ZDHHC15: variants seen among roughly 807,000 people sequenced by gnomAD.
ZDHHC15 encodes zDHHC palmitoyltransferase 15, also known as palmitoyltransferase ZDHHC15.
In ZDHHC15, 19 loss-of-function variants were observed where a neutral mutation model predicts 31.7. The ratio of observed to expected loss-of-function variants is 0.60; its 90% CI spans 0.42 to 0.88. The LOEUF (loss-of-function observed/expected upper bound fraction) is 0.88, where lower values mean the gene tolerates loss of function less well. Ranked by LOEUF, ZDHHC15 falls within the 40% of genes least tolerant of loss-of-function variation. ZDHHC15 has a pLI of 0.00. For synonymous variants in ZDHHC15, 103 were observed against 90.0 expected, an observed-to-expected ratio of 1.14 and a Z score of -0.82; for missense variants, 209 against 251.2, an observed-to-expected ratio of 0.83 and a Z score of 1.14.
intron 2 of ZDHHC15, among the ~76,000 whole-genome samples, chrX:75,501,178 G>A (rs147719944): frequency 0.012 from 1,381 of 110,699 alleles, 20 homozygotes; most frequent in African/African-American, 0.043. Flanking sequence ...TGGTTCATGA[G>A]TTCTCACAAT....
intron 10 of ZDHHC15, among the ~76,000 whole-genome samples, chrX:75,400,482 TAA>T (rs1333693545): frequency 9.0e-6 from 1 of 111,659 alleles, no homozygotes; most frequent in African/African-American, 3.3e-5. Context: ...TGAGATTATG[TAA>T]AGAGGCCAAA....
At chrX:75,428,203 T>C (rs755579215) in intron 7 of ZDHHC15, among the ~76,000 whole-genome samples, 2 of 111,335 alleles carry the variant, frequency 1.8e-5, no homozygotes, top group Non-Finnish European at 3.8e-5. Flanking sequence ...ATCATGGATG[T>C]CTTAGTAATT....
chrX:75,433,611 G>T (rs2083808620), intron 4 of ZDHHC15, among the ~76,000 whole-genome samples: 1 of 109,095 alleles, frequency 9.2e-6, no homozygotes, highest in South Asian at 4.0e-4. Flanking sequence ...CCATGATTTT[G>T]TTCCCTTTTT....
rs900892694 is a variant in ZDHHC15 at position 75,403,614 on chromosome X, G to A, written c.967+13473C>T. ...TCAAACCAAGAGCCAAATCAGGAAC[G>A]AATTCCCATTCACAATTGCCACAAA... On this transcript the variant is annotated intron_variant, in intron 10 of 11. Transcript: ENST00000373367. 3.6e-5 allele frequency among the ~76,000 whole-genome samples: 4 copies of A among 111,672 alleles called. No homozygotes were observed. The East Asian group carries it at 8.4e-4, about 23-fold the overall frequency.
At chrX:75,377,196 G>A (rs1369728654) in intron 11 of ZDHHC15, among the ~76,000 whole-genome samples, 5 of 110,876 alleles carry the variant, frequency 4.5e-5, no homozygotes, top group Non-Finnish European at 7.6e-5. Flanking sequence ...GTGTTCCCAA[G>A]TACTTTTCTA....
intron 10 of ZDHHC15, among the ~76,000 whole-genome samples, chrX:75,396,670 T>C (rs1319704159): frequency 1.8e-5 from 2 of 111,890 alleles, no homozygotes; most frequent in Non-Finnish European, 3.8e-5. Context: ...AATCAGTATA[T>C]TGGAGAGATA....
intron 4 of ZDHHC15, among the ~76,000 whole-genome samples, chrX:75,447,674 T>C (rs1202154634): frequency 8.1e-5 from 9 of 111,403 alleles, no homozygotes; most frequent in Non-Finnish European, 5.7e-5. Context: ...GGGGTGGAAA[T>C]GGGAGTGGTA....
intron 2 of ZDHHC15, among the ~76,000 whole-genome samples, chrX:75,493,632 G>A (rs1436407338): frequency 1.8e-5 from 2 of 111,814 alleles, no homozygotes; most frequent in African/African-American, 3.3e-5. Context: ...TTCAACATAC[G>A]CAAATCAATA....
At chrX:75,402,340 G>T (rs896041534) in intron 10 of ZDHHC15, among the ~76,000 whole-genome samples, 1 of 110,860 alleles carries the variant, frequency 9.0e-6, no homozygotes, top group Admixed American at 9.6e-5. Context: ...AATTAGAGAA[G>T]CAAGAACAAA....
At chrX:75,408,164 C>T (rs1252496928) in intron 10 of ZDHHC15, among the ~76,000 whole-genome samples, 1 of 109,052 alleles carries the variant, frequency 9.2e-6, no homozygotes, top group African/African-American at 3.3e-5. Flanking sequence ...TCCTATGACC[C>T]TGCCAAATCC....
chrX:75,380,410 C>A (rs778551118), intron 10 of ZDHHC15, among the ~76,000 whole-genome samples: 1 of 111,685 alleles, frequency 9.0e-6, no homozygotes, highest in Non-Finnish European at 1.9e-5. Flanking sequence ...TGGTGATGAA[C>A]CTTTCCAAAA....
chrX:75,429,123 C>T lies in ZDHHC15; in HGVS notation c.558G>A (p.Leu186=). 8.3e-7 allele frequency: 1 copy of T among 1,207,415 alleles called. No individual in the cohort carries two copies. The highest frequency in any genetic ancestry group is 1.1e-6 in the Non-Finnish European group (1 of 893,399). Reference sequence around the variant, plus strand: ...AGCTGAAGACTGTCGTAGCAATGTACAGGCAGTAGAGAACAGAGTAAGCTA... The same window carrying T: ...AGCTGAAGACTGTCGTAGCAATGTATAGGCAGTAGAGAACAGAGTAAGCTA... ...QFLAYSVLYC[L]YIATTVFSYF... Residue 186 remains leucine, a synonymous_variant, in exon 7 of 12, where the codon CTG becomes CTA. Transcript: ENST00000373367.
chrX:75,483,877 G>T (rs1222433326), intron 2 of ZDHHC15, among the ~76,000 whole-genome samples: 2 of 111,294 alleles, frequency 1.8e-5, no homozygotes. Flanking sequence ...TGCCTATATG[G>T]TGGGTACGGA....
chrX:75,513,520 C>T (rs1310258794), intron 1 of ZDHHC15, among the ~76,000 whole-genome samples: 1 of 111,139 alleles, frequency 9.0e-6, no homozygotes, highest in Non-Finnish European at 1.9e-5. Flanking sequence ...AAAGTGGCTG[C>T]CTACCATCCT....
intron 3 of ZDHHC15, among the ~76,000 whole-genome samples, chrX:75,477,703 A>T (rs758406511): frequency 2.7e-5 from 3 of 111,815 alleles, no homozygotes; most frequent in Non-Finnish European, 5.6e-5. Context: ...ACTATTTACT[A>T]GTGATATCTT....
In ZDHHC15 at chrX:75,400,782, T is replaced by C. The variant is rs145120672; in HGVS notation, c.967+16305A>G. On this transcript the variant is annotated intron_variant, in intron 10 of 11. Transcript: ENST00000373367. ...ATCCCCATCAGGCTAACAATGGAAC[T>C]CTCAGCTGAAACCCTATGAGCCAGA... Among the ~76,000 whole-genome samples, 886 of 111,350 alleles carry C rather than the reference T, an allele frequency of 8.0e-3. 11 individuals carry two copies. Among genetic ancestry groups the C allele is most frequent in the African/African-American group, 0.027 (814 of 30,608 alleles).
At chrX:75,518,843 AC>A (rs1569376413) in intron 1 of ZDHHC15, among the ~76,000 whole-genome samples, 1 of 76,903 alleles carries the variant, frequency 1.3e-5, no homozygotes, top group African/African-American at 4.4e-5. Context: ...ACACACACAC[AC>A]ACAATAGACT....
intron 10 of ZDHHC15, among the ~76,000 whole-genome samples, chrX:75,408,981 G>T (rs1033699122): frequency 2.7e-5 from 3 of 112,056 alleles, no homozygotes; most frequent in Admixed American, 9.4e-5. Flanking sequence ...TCATGTGCAT[G>T]GATTGGAAGA....
chrX:75,495,529 C>G (rs898008003), intron 2 of ZDHHC15, among the ~76,000 whole-genome samples: 2 of 110,707 alleles, frequency 1.8e-5, no homozygotes, highest in South Asian at 7.8e-4. Flanking sequence ...TTGGAACCAA[C>G]CCAAATATCC....
Sources: allele counts gnomAD v4.1 joint callset (sites outside exome capture counted in the v4.1 genomes callset), GRCh38; gene constraint gnomAD v4.1.1; transcripts MANE v1.5; gene names NCBI Gene and HGNC (gene_info 2026-07-23, HGNC 2026-07-21).